KCNMA1: variants seen among roughly 807,000 people sequenced by gnomAD.
The protein encoded by KCNMA1 is Calcium-activated potassium channel subunit alpha-1.
A neutral mutation model predicts 140.0 loss-of-function variants in KCNMA1; 29 were observed. The ratio of observed to expected loss-of-function variants is 0.21; its 90% CI spans 0.15 to 0.28. The LOEUF is 0.28. Among genes scored for constraint, KCNMA1 ranks in the 10% least tolerant of loss-of-function variants. KCNMA1 has a pLI of 1.00. For missense variants in KCNMA1, 880 were observed against 1,602.2 expected (o/e 0.55, Z 7.70); for synonymous variants, 612 against 611.9 (o/e 1.00, Z 0.00).
chr10:76,982,525 A>G (rs77309006), intron 19 of KCNMA1, among the ~76,000 whole-genome samples: 1,949 of 152,214 alleles, frequency 0.013, 58 homozygotes, highest in African/African-American at 0.044. Context: ...AGTTTGAACC[A>G]AGGCAAGGTG....
chr10:77,270,688 AT>A lies in KCNMA1; in HGVS notation c.541-19433del, dbSNP rs10584189. Among the ~76,000 whole-genome samples the A allele has an allele frequency of 9.0e-3, 1,318 of 145,932 alleles. 12 individuals are homozygous for A. Among genetic ancestry groups the A allele is most frequent in the South Asian group, 0.03 (135 of 4,570 alleles). On this transcript the variant is annotated intron_variant, in intron 2 of 27. Coordinates refer to ENST00000286628, the MANE Select transcript of KCNMA1 (RefSeq NM_001161352.2). The stretch of plus-strand genomic sequence containing the variant: ...AGGTGCACACCACCACACCTAGCTA[AT>A]TTTTTTTTTTTTTCAGTAGAGTTGG...
At chr10:77,584,383 T>G (rs1358825711) in intron 1 of KCNMA1, among the ~76,000 whole-genome samples, 1 of 152,178 alleles carries the variant, frequency 6.6e-6, no homozygotes, top group African/African-American at 2.4e-5. Context: ...TGAGACTAAG[T>G]CTCGCTCTGT....
chr10:77,142,922 C>T (rs2098212615), intron 5 of KCNMA1, among the ~76,000 whole-genome samples: 1 of 152,096 alleles, frequency 6.6e-6, no homozygotes, highest in Non-Finnish European at 1.5e-5. Context: ...TAAATGGAAA[C>T]TTCAATGAAA....
At chr10:77,131,248 C>A (rs1433935597) in intron 5 of KCNMA1, among the ~76,000 whole-genome samples, 2 of 152,186 alleles carry the variant, frequency 1.3e-5, no homozygotes, top group Non-Finnish European at 2.9e-5. Flanking sequence ...ACTCCCCAGA[C>A]AAACTGCAAC....
intron 1 of KCNMA1, among the ~76,000 whole-genome samples, chr10:77,544,861 C>A (rs1389000830): frequency 1.3e-5 from 2 of 152,180 alleles, no homozygotes; most frequent in African/African-American, 4.8e-5. Context: ...TAACTTCTAA[C>A]CAATGGCACT....
At chr10:77,345,908 ATC>A (rs938357751) in intron 2 of KCNMA1, among the ~76,000 whole-genome samples, 7 of 152,166 alleles carry the variant, frequency 4.6e-5, no homozygotes, top group African/African-American at 1.4e-4. Context: ...CCTTGTCATC[ATC>A]TCTCACTTTT....
chr10:77,150,089 T>A (rs2098391174), intron 5 of KCNMA1: 1 of 152,116 alleles, frequency 6.6e-6, no homozygotes, highest in Non-Finnish European at 1.5e-5. Flanking sequence ...ATAAAGTGGG[T>A]CTACTACTTT....
intron 2 of KCNMA1, among the ~76,000 whole-genome samples, chr10:77,364,498 G>A (rs546702359): frequency 1.6e-4 from 24 of 152,150 alleles, no homozygotes; most frequent in Middle Eastern, 3.4e-3. Flanking sequence ...AGAAAACACT[G>A]TCTTCCAAGC....
downstream of KCNMA1, among the ~76,000 whole-genome samples, chr10:76,881,297 A>G (rs902266103): frequency 2.0e-5 from 3 of 152,222 alleles, no homozygotes; most frequent in Non-Finnish European, 2.9e-5. Flanking sequence ...TCTTAGCTTC[A>G]TTCCTTTTCT....
At chr10:76,952,212 C>A in intron 21 of KCNMA1, 1 of 1,540,866 alleles carries the variant, frequency 6.5e-7, no homozygotes, top group South Asian at 1.2e-5. Context: ...GCAAAAGTGC[C>A]ATGAATACAT....
At chr10:77,109,527 T>G (rs557385523) in intron 8 of KCNMA1, among the ~76,000 whole-genome samples, 1 of 152,326 alleles carries the variant, frequency 6.6e-6, no homozygotes, top group African/African-American at 2.4e-5. Flanking sequence ...CATAAAGAGC[T>G]GCGTAGACTT....
chr10:77,280,276 G>A (rs1382400817), intron 2 of KCNMA1, among the ~76,000 whole-genome samples: 4 of 152,176 alleles, frequency 2.6e-5, no homozygotes, highest in African/African-American at 4.8e-5. Context: ...TCCAGAGAAC[G>A]CCACTCTTGG....
At chr10:77,015,580 C>G (rs1260731306) in intron 17 of KCNMA1, among the ~76,000 whole-genome samples, 1 of 152,148 alleles carries the variant, frequency 6.6e-6, no homozygotes, top group Non-Finnish European at 1.5e-5. Context: ...GAACTCCAGA[C>G]TCTAAGATCC....
chr10:77,618,462 C>A (rs2154569201), intron 1 of KCNMA1, among the ~76,000 whole-genome samples: 1 of 152,240 alleles, frequency 6.6e-6, no homozygotes, highest in Middle Eastern at 3.4e-3. Context: ...TGGTAACTGG[C>A]AACTGGCCAG....
intron 1 of KCNMA1, chr10:77,493,677 G>C (rs1056860936): frequency 6.6e-6 from 1 of 152,256 alleles, no homozygotes; most frequent in Non-Finnish European, 1.5e-5. Context: ...GGCCAACCCA[G>C]CACGGGGAGC....
intron 1 of KCNMA1, among the ~76,000 whole-genome samples, chr10:77,464,419 A>T (rs992786841): frequency 1.3e-5 from 2 of 152,048 alleles, no homozygotes; most frequent in African/African-American, 4.8e-5. Flanking sequence ...CAGGAAGAAG[A>T]CTTCTTAATG....
intron 1 of KCNMA1, among the ~76,000 whole-genome samples, chr10:77,523,276 C>T (rs113222065): frequency 1.1e-3 from 169 of 149,588 alleles, no homozygotes; most frequent in African/African-American, 4.0e-3. Flanking sequence ...TTATTAACAT[C>T]AGTCACCTTG....
intron 1 of KCNMA1, among the ~76,000 whole-genome samples, chr10:77,619,565 T>C (rs1340440776): frequency 3.3e-5 from 5 of 152,032 alleles, no homozygotes; most frequent in Admixed American, 3.3e-4. Flanking sequence ...CCCAAGAGGA[T>C]GAACGTGAGG....
intron 2 of KCNMA1, chr10:77,355,198 G>C (rs2093364786): frequency 6.3e-6 from 1 of 158,414 alleles, no homozygotes; most frequent in Admixed American, 6.5e-5. Flanking sequence ...CTCCCACTGT[G>C]ATTCTGAGGC....
Sources: allele counts gnomAD v4.1 joint callset (sites outside exome capture counted in the v4.1 genomes callset), GRCh38; gene constraint gnomAD v4.1.1; transcripts MANE v1.5; gene names NCBI Gene and HGNC (gene_info 2026-07-23, HGNC 2026-07-21).